KCND2: variants seen among roughly 807,000 people sequenced by gnomAD.
KCND2 encodes A-type voltage-gated potassium channel KCND2.
Under a neutral mutation model 54.4 loss-of-function variants are expected in KCND2, and 16 were observed. That is an observed-to-expected ratio of 0.29 (90% CI 0.20 to 0.45). The LOEUF (loss-of-function observed/expected upper bound fraction) is 0.45, where lower values mean the gene tolerates loss of function less well. Ranked by LOEUF, KCND2 falls within the 20% of genes least tolerant of loss-of-function variation. KCND2 has a pLI of 1.00. For missense variants in KCND2, 486 were observed against 824.2 expected (o/e 0.59, Z 5.02); for synonymous variants, 317 against 310.7 (o/e 1.02, Z -0.21).
intron 1 of KCND2, among the ~76,000 whole-genome samples, chr7:120,544,290 T>C (rs1792017303): frequency 6.6e-6 from 1 of 151,848 alleles, no homozygotes; most frequent in Non-Finnish European, 1.5e-5. Context: ...TAATAGAAAT[T>C]ATTATAAATG....
chr7:120,465,062 G>A (rs1187873887), intron 1 of KCND2, among the ~76,000 whole-genome samples: 2 of 152,116 alleles, frequency 1.3e-5, no homozygotes, highest in East Asian at 1.9e-4. Flanking sequence ...GGTCATGGAG[G>A]ACATTCCAAA....
chr7:120,456,202 A>G lies in KCND2; in HGVS notation c.1115+180455A>G, dbSNP rs190283141. On this transcript the variant is annotated intron_variant, in intron 1 of 5. Transcript: ENST00000331113. ...AAATTTCATTTGAATCAAGAATAAT[A>G]TGATACTTTATATTTTAAGATGATT... Among the ~76,000 whole-genome samples the G allele has an allele frequency of 3.3e-4, 50 of 152,312 alleles. 1 individual carries two copies. The highest frequency in any genetic ancestry group is 1.2e-4 in the Non-Finnish European group (8 of 68,022).
intron 1 of KCND2, among the ~76,000 whole-genome samples, chr7:120,555,627 T>C (rs1203729018): frequency 6.6e-6 from 1 of 152,200 alleles, no homozygotes; most frequent in African/African-American, 2.4e-5. Context: ...AAAATCTGAG[T>C]GTAAAAGCAG....
At chr7:120,393,301 A>G (rs972205735) in intron 1 of KCND2, among the ~76,000 whole-genome samples, 1 of 152,056 alleles carries the variant, frequency 6.6e-6, no homozygotes, top group African/African-American at 2.4e-5. Flanking sequence ...TATATTGCCT[A>G]GCACAATACC....
intron 1 of KCND2, among the ~76,000 whole-genome samples, chr7:120,336,752 AG>A (rs1433969799): frequency 6.6e-6 from 1 of 152,172 alleles, no homozygotes; most frequent in Non-Finnish European, 1.5e-5. Context: ...TACAGACATA[AG>A]GGTGCATACA....
At chr7:120,374,718 G>T (rs1800813225) in intron 1 of KCND2, among the ~76,000 whole-genome samples, 1 of 151,738 alleles carries the variant, frequency 6.6e-6, no homozygotes. Flanking sequence ...AGCCTGTAGG[G>T]CATATTCTAA....
chr7:120,358,658 G>A (rs184818727), intron 1 of KCND2, among the ~76,000 whole-genome samples: 105 of 152,122 alleles, frequency 6.9e-4, no homozygotes, highest in African/African-American at 2.4e-3. Context: ...TCTCTTGCCC[G>A]AAAATCTCTA....
intron 1 of KCND2, among the ~76,000 whole-genome samples, chr7:120,511,368 C>T (rs1803113054): frequency 6.6e-6 from 1 of 151,884 alleles, no homozygotes; most frequent in African/African-American, 2.4e-5. Context: ...CTGTCTTGTC[C>T]CTAAGAATAT....
intron 1 of KCND2, among the ~76,000 whole-genome samples, chr7:120,628,024 C>T (rs1229772109): frequency 6.6e-6 from 1 of 151,818 alleles, no homozygotes; most frequent in Non-Finnish European, 1.5e-5. Context: ...CTTTGTTAGA[C>T]CAGGAAATTT....
At chr7:120,539,968 CAG>C (rs1306305227) in intron 1 of KCND2, among the ~76,000 whole-genome samples, 1 of 152,122 alleles carries the variant, frequency 6.6e-6, no homozygotes, top group Non-Finnish European at 1.5e-5. Flanking sequence ...CCTGCCGTGC[CAG>C]AGACGAAGAG....
intron 1 of KCND2, among the ~76,000 whole-genome samples, chr7:120,518,017 G>A (rs1040948306): frequency 2.0e-5 from 3 of 152,012 alleles, no homozygotes; most frequent in Non-Finnish European, 4.4e-5. Context: ...TGTTCTTTGC[G>A]ATCCTCATGG....
chr7:120,734,421 G>A (rs936142915), intron 2 of KCND2, among the ~76,000 whole-genome samples: 22 of 152,012 alleles, frequency 1.4e-4, no homozygotes, highest in African/African-American at 5.1e-4. Flanking sequence ...TTTTATAGAT[G>A]GTAATCCTCA....
chr7:120,407,206 G>T (rs901956862), intron 1 of KCND2, among the ~76,000 whole-genome samples: 1 of 151,982 alleles, frequency 6.6e-6, no homozygotes, highest in Non-Finnish European at 1.5e-5. Context: ...ATCCCACAGC[G>T]TAGATGTGTA....
chr7:120,580,566 A>G (rs1471877946), intron 1 of KCND2, among the ~76,000 whole-genome samples: 1 of 152,172 alleles, frequency 6.6e-6, no homozygotes, highest in Non-Finnish European at 1.5e-5. Context: ...ATTGTTTACA[A>G]ACACCTGCCC....
At chr7:120,411,893 G>A (rs1315725897) in intron 1 of KCND2, among the ~76,000 whole-genome samples, 1 of 151,906 alleles carries the variant, frequency 6.6e-6, no homozygotes, top group Non-Finnish European at 1.5e-5. Context: ...AGTTTACCTA[G>A]ATAGGACTTT....
intron 1 of KCND2, among the ~76,000 whole-genome samples, chr7:120,518,699 A>G (rs867017555): frequency 1.6e-4 from 24 of 151,818 alleles, no homozygotes; most frequent in African/African-American, 5.6e-4. Context: ...TAGCAATTGA[A>G]GAACTGAAAC....
intron 1 of KCND2, among the ~76,000 whole-genome samples, chr7:120,335,613 G>A (rs995911878): frequency 6.6e-6 from 1 of 151,742 alleles, no homozygotes; most frequent in Admixed American, 6.6e-5. Flanking sequence ...AGCCTCCTGG[G>A]TAGCTGGGAC....
chr7:120,622,475 T>C (rs1219720678), intron 1 of KCND2, among the ~76,000 whole-genome samples: 1 of 150,044 alleles, frequency 6.7e-6, no homozygotes, highest in Non-Finnish European at 1.5e-5. Context: ...TAATTAACCA[T>C]GCGAAATTGT....
chr7:120,478,261 G>T (rs1372582562), intron 1 of KCND2, among the ~76,000 whole-genome samples: 1 of 152,106 alleles, frequency 6.6e-6, no homozygotes, highest in Non-Finnish European at 1.5e-5. Context: ...AAGGATAATA[G>T]ATATGGTAAT....
Sources: allele counts gnomAD v4.1 joint callset (sites outside exome capture counted in the v4.1 genomes callset), GRCh38; gene constraint gnomAD v4.1.1; transcripts MANE v1.5; gene names NCBI Gene and HGNC (gene_info 2026-07-23, HGNC 2026-07-21).